The following APBB2 variants were observed in gnomAD, a reference collection of about 807,000 sequenced individuals.
The protein encoded by APBB2 is Fe65-like 1.
A neutral mutation model predicts 82.5 loss-of-function variants in APBB2; 38 were observed. That is an observed-to-expected ratio of 0.46 (90% CI 0.36 to 0.60). The LOEUF (loss-of-function observed/expected upper bound fraction) is 0.60. Among genes scored for constraint, APBB2 ranks in the 20% least tolerant of loss-of-function variants. The probability of loss-of-function intolerance (pLI) is 0.00; values close to 1 mark genes in which losing one functional copy is unlikely to be tolerated. For missense variants in APBB2, 772 were observed against 972.3 expected, an observed-to-expected ratio of 0.79 and a Z score of 2.74; for synonymous variants, 341 against 368.2, an observed-to-expected ratio of 0.93 and a Z score of 0.85.
chr4:41,093,358 C>A (rs370106493), intron 3 of APBB2, among the ~76,000 whole-genome samples: 3 of 152,168 alleles, frequency 2.0e-5, no homozygotes, highest in African/African-American at 7.2e-5. Flanking sequence ...TAGGCTATAA[C>A]GCTGAAGTGC....
intron 1 of APBB2, among the ~76,000 whole-genome samples, chr4:41,172,518 T>C (rs752458328): frequency 8.5e-5 from 13 of 152,230 alleles, no homozygotes; most frequent in Admixed American, 6.5e-5. Flanking sequence ...AAATGATGAT[T>C]TGTTAGGCTC....
At chr4:40,974,152 A>G (rs756139611) in intron 6 of APBB2, among the ~76,000 whole-genome samples, 1 of 152,042 alleles carries the variant, frequency 6.6e-6, no homozygotes. Flanking sequence ...GCACCCAGCC[A>G]AATTTCCTCT....
chr4:41,060,817 A>G (rs73809502), intron 4 of APBB2, among the ~76,000 whole-genome samples: 1,683 of 152,274 alleles, frequency 0.011, 20 homozygotes, highest in African/African-American at 0.039. Context: ...AAACAGCAGG[A>G]GCAAAGGCAC....
intron 3 of APBB2, among the ~76,000 whole-genome samples, chr4:41,083,686 CAAAAAAAAAAAAA>C (rs3058169): frequency 5.9e-5 from 4 of 68,068 alleles, no homozygotes; most frequent in East Asian, 4.8e-4. Flanking sequence ...GACTCTGTCT[CAAAAAAAAAAAAA>C]AAAAAAAAAA....
At chr4:40,945,999 G>A (rs1001729965) in intron 6 of APBB2, among the ~76,000 whole-genome samples, 1 of 152,128 alleles carries the variant, frequency 6.6e-6, no homozygotes, top group Non-Finnish European at 1.5e-5. Context: ...TCGGGAGGCC[G>A]AGGTGGGTGG....
chr4:41,157,292 T>G (rs1205564457), intron 1 of APBB2, among the ~76,000 whole-genome samples: 3 of 152,172 alleles, frequency 2.0e-5, no homozygotes, highest in Non-Finnish European at 4.4e-5. Context: ...TGGACTACTT[T>G]GTACTCTCTT....
intron 10 of APBB2, among the ~76,000 whole-genome samples, chr4:40,918,091 A>G (rs1257766131): frequency 6.6e-6 from 1 of 152,252 alleles, no homozygotes; most frequent in African/African-American, 2.4e-5. Context: ...TTAGCACATA[A>G]AACAGAACAC....
intron 2 of APBB2, among the ~76,000 whole-genome samples, chr4:41,103,263 A>G (rs1256267735): frequency 3.9e-5 from 6 of 152,350 alleles, no homozygotes; most frequent in African/African-American, 1.4e-4. Context: ...TTACAGGACC[A>G]TTTTGGACAG....
intron 12 of APBB2, among the ~76,000 whole-genome samples, chr4:40,851,732 A>ATT (rs1176193029): frequency 6.1e-5 from 2 of 32,754 alleles, no homozygotes; most frequent in African/African-American, 2.4e-4. Context: ...ATATATATAT[A>ATT]TATATATTTT....
intron 3 of APBB2, chr4:41,084,679 A>T (rs1738985595): frequency 6.6e-6 from 1 of 152,250 alleles, no homozygotes; most frequent in Admixed American, 6.5e-5. Flanking sequence ...CTGCACAAGG[A>T]TGACATGCAA....
At chr4:41,015,692 T>C (rs1211604186) in intron 5 of APBB2, among the ~76,000 whole-genome samples, 1 of 152,200 alleles carries the variant, frequency 6.6e-6, no homozygotes, top group Non-Finnish European at 1.5e-5. Context: ...TATGACCATG[T>C]GGCCCATAAG....
chr4:41,210,774 A>G (rs1041251647), intron 1 of APBB2, among the ~76,000 whole-genome samples: 23 of 152,254 alleles, frequency 1.5e-4, no homozygotes, highest in Admixed American at 5.2e-4. Flanking sequence ...GAGAATGCTT[A>G]CTGAATAATA....
chr4:41,194,214 C>CG, intron 1 of APBB2: 1 of 126,746 alleles, frequency 7.9e-6, no homozygotes, highest in Non-Finnish European at 1.5e-5. Context: ...CCCAGTTACT[C>CG]CGGGGGCTGA....
At chr4:40,852,424 A>ATAAAT (rs1759785045) in intron 12 of APBB2, among the ~76,000 whole-genome samples, 1 of 151,896 alleles carries the variant, frequency 6.6e-6, no homozygotes, top group African/African-American at 2.4e-5. Flanking sequence ...ATAATTCCAT[A>ATAAAT]TAAATTAAGG....
In APBB2 at chr4:40,830,067, T is replaced by C. The variant is rs72493549; in HGVS notation, c.1644+396A>G. ...TTCTGGGGTGTACGTATCTCTGCCA[T>C]TGTTTTGCCTACCTGAGATATATAC... On this transcript the variant is annotated intron_variant, in intron 13 of 17. Transcript: ENST00000508593. Among the ~76,000 whole-genome samples, 268 of 152,326 alleles carry C rather than the reference T, an allele frequency of 1.8e-3. 3 individuals are homozygous for C. In the East Asian group the frequency reaches 0.02, roughly 11 times the overall value.
Position 41,127,316 on chromosome 4 carries a change from T to G in APBB2, c.-261+15671A>C, listed in dbSNP as rs1754675595. Among the ~76,000 whole-genome samples the G allele has an allele frequency of 6.6e-6, 1 of 152,222 alleles. No individual in the cohort carries two copies. The highest frequency in any genetic ancestry group is 2.1e-4 in the South Asian group (1 of 4,830). On this transcript the variant is annotated intron_variant, in intron 2 of 17. Transcript: ENST00000508593. The surrounding 1 kb of genome is among the most constrained non-coding windows in gnomAD (Gnocchi z 4.8). ...GTTGCCAGTCCACATTTTATAAGCATTTGTACTGCGACAATACAACACAAG... is the reference window on the plus strand; with the variant it reads ...GTTGCCAGTCCACATTTTATAAGCAGTTGTACTGCGACAATACAACACAAG...
chr4:40,920,413 A>C (rs62410318), intron 10 of APBB2, among the ~76,000 whole-genome samples: 57,426 of 152,064 alleles, frequency 0.38, 11,198 homozygotes, highest in East Asian at 0.64. Flanking sequence ...CTAATAACAC[A>C]CAAACACAAA....
At position 40,832,520 on chromosome 4, in the gene APBB2, C is replaced by T. The variant is rs927621122; in HGVS notation, c.1530-1943G>A. Among the ~76,000 whole-genome samples the T allele has an allele frequency of 1.3e-5, 2 of 152,210 alleles. No homozygotes were observed. The highest frequency in any genetic ancestry group is 2.4e-5 in the African/African-American group (1 of 41,456). ...CTAGAACCGGACTCCCCCTGCCTCA[C>T]GTGCCACACCCAATCCCCACATTCG... is the stretch of plus-strand genomic sequence containing the variant. On this transcript the variant is annotated intron_variant, in intron 12 of 17. Coordinates refer to ENST00000508593, the MANE Select transcript of APBB2 (RefSeq NM_004307.2). This position sits in a 1 kb window ranked among gnomAD's most constrained non-coding sequence, Gnocchi z 4.8.
chr4:41,016,452 G>A (rs199545545), intron 5 of APBB2, among the ~76,000 whole-genome samples: 28 of 151,990 alleles, frequency 1.8e-4, no homozygotes, highest in African/African-American at 6.5e-4. Context: ...ACCTGAGGTC[G>A]GGAGTTTGAG....
Sources: allele counts gnomAD v4.1 joint callset (sites outside exome capture counted in the v4.1 genomes callset), GRCh38; gene constraint gnomAD v4.1.1; non-coding constraint Gnocchi (gnomAD v3.1); transcripts MANE v1.5; gene names NCBI Gene and HGNC (gene_info 2026-07-23, HGNC 2026-07-21).